HK1: variants seen among roughly 807,000 people sequenced by gnomAD.
HK1 encodes hexokinase 1, also known as hexokinase-1.
HK1 carries 28 observed loss-of-function variants against 91.6 expected under a neutral mutation model. That is an observed-to-expected ratio of 0.31 (90% CI 0.23 to 0.42). The LOEUF is 0.42. Among genes scored for constraint, HK1 ranks in the 10% least tolerant of loss-of-function variants. The pLI is 1.00. For synonymous variants in HK1, 430 were observed against 468.1 expected (o/e 0.92, Z 1.05); for missense variants, 770 against 1,219.8 (o/e 0.63, Z 5.49).
At position 69,280,951 on chromosome 10, in the gene HK1, T is replaced by C. The variant is rs535815819; in HGVS notation, c.-390-1578T>C. Among the ~76,000 whole-genome samples the C allele has an allele frequency of 3.3e-5, 5 of 152,330 alleles. No homozygotes were observed. In the South Asian group the frequency reaches 1.0e-3, roughly 32 times the overall value. On this transcript the variant is annotated intron_variant, in intron 1 of 21. Coordinates refer to the HK1 transcript ENST00000360289. ...TCTCTGAATTGCTAAAATCTTTGCA[T>C]TTTTGTCTCCTACTCTCCACTTTAT...
At chr10:69,349,380 G>A (rs1200579643) in intron 2 of HK1, among the ~76,000 whole-genome samples, 5 of 152,104 alleles carry the variant, frequency 3.3e-5, no homozygotes, top group Non-Finnish European at 4.4e-5. Context: ...GCAAACCACC[G>A]TGAGTTATGG....
At chr10:69,391,190 C>T (rs7904932) in intron 14 of HK1, among the ~76,000 whole-genome samples, 15,936 of 152,246 alleles carry the variant, frequency 0.1, 2,773 homozygotes, top group African/African-American at 0.36. Context: ...CTCTGATCTT[C>T]AAAGGTCTGA....
chr10:69,279,389 T>G (rs1844626771), intron 1 of HK1, among the ~76,000 whole-genome samples: 1 of 152,230 alleles, frequency 6.6e-6, no homozygotes, highest in Non-Finnish European at 1.5e-5. Context: ...TAGCACATTC[T>G]TTGAAGTAGA....
chr10:69,356,832 G>A (rs1430725118), intron 2 of HK1, among the ~76,000 whole-genome samples: 7 of 138,028 alleles, frequency 5.1e-5, no homozygotes, highest in African/African-American at 1.4e-4. Context: ...GCAGTGAGTC[G>A]AGATTGAGCC....
intron 2 of HK1, among the ~76,000 whole-genome samples, chr10:69,283,055 G>A (rs918639940): frequency 6.7e-6 from 1 of 149,848 alleles, no homozygotes; most frequent in Non-Finnish European, 1.5e-5. Flanking sequence ...GAACCCAGGA[G>A]GCAGTTTGTG....
Position 69,379,574 on chromosome 10 carries a change from C to T in HK1, c.1032-288C>T, listed in dbSNP as rs537215754. On this transcript the variant is annotated intron_variant, in intron 8 of 17. Coordinates refer to ENST00000359426, the MANE Select transcript of HK1 (RefSeq NM_000188.3). ...GAGCCCTGGGTGGTGGCAGCCATTTCGCCACCTGTTCAGAGGCCACATAGT... is the reference window on the plus strand; with the variant it reads ...GAGCCCTGGGTGGTGGCAGCCATTTTGCCACCTGTTCAGAGGCCACATAGT... Among the ~76,000 whole-genome samples, 77 of 152,324 alleles carry T rather than the reference C, an allele frequency of 5.1e-4. 1 individual carries two copies. Among genetic ancestry groups the T allele is most frequent in the South Asian group, 1.0e-3 (5 of 4,832 alleles).
At chr10:69,320,054 G>A (rs559642260) in intron 1 of HK1, among the ~76,000 whole-genome samples, 103 of 152,312 alleles carry the variant, frequency 6.8e-4, no homozygotes, top group Middle Eastern at 3.4e-3. Flanking sequence ...GACAGGCCTT[G>A]ATTTTCTGCC....
chr10:69,319,560 C>T (rs1369707729), intron 1 of HK1, among the ~76,000 whole-genome samples: 1 of 152,232 alleles, frequency 6.6e-6, no homozygotes, highest in Non-Finnish European at 1.5e-5. Flanking sequence ...CTTCCCGGAA[C>T]GGGGAGGGGC....
intron 3 of HK1, among the ~76,000 whole-genome samples, chr10:69,361,328 C>A (rs1036019428): frequency 3.9e-5 from 6 of 152,254 alleles, no homozygotes; most frequent in African/African-American, 1.4e-4. Flanking sequence ...ACTGGCCCAT[C>A]CATCTGGCGC....
intron 5 of HK1, among the ~76,000 whole-genome samples, chr10:69,302,853 A>G (rs1311637603): frequency 6.6e-6 from 1 of 151,970 alleles, no homozygotes; most frequent in Non-Finnish European, 1.5e-5. Flanking sequence ...GTTTGGTAAC[A>G]GGTTACATGT....
intron 2 of HK1, among the ~76,000 whole-genome samples, chr10:69,350,165 C>T (rs1193995609): frequency 6.6e-6 from 1 of 152,172 alleles, no homozygotes; most frequent in Non-Finnish European, 1.5e-5. Context: ...GGGTTATGTG[C>T]CCATCCTGAA....
chr10:69,393,474 T>C (rs1840002292), intron 15 of HK1, among the ~76,000 whole-genome samples: 1 of 152,082 alleles, frequency 6.6e-6, no homozygotes, highest in Non-Finnish European at 1.5e-5. Flanking sequence ...TTTTTGTATT[T>C]TTGGTAGAGA....
chr10:69,333,506 C>A (rs905339485), intron 1 of HK1, among the ~76,000 whole-genome samples: 9 of 152,088 alleles, frequency 5.9e-5, no homozygotes, highest in African/African-American at 2.2e-4. Context: ...AGTGTGACAG[C>A]CTTGTTCTCT....
chr10:69,290,845 C>T (rs1314172955), intron 3 of HK1, among the ~76,000 whole-genome samples: 1 of 152,164 alleles, frequency 6.6e-6, no homozygotes, highest in African/African-American at 2.4e-5. Flanking sequence ...GTTCCTAATG[C>T]CCAACTGGAA....
At chr10:69,302,890 A>C (rs1845950087) in intron 5 of HK1, among the ~76,000 whole-genome samples, 1 of 152,148 alleles carries the variant, frequency 6.6e-6, no homozygotes, top group South Asian at 2.1e-4. Context: ...GAAGGAGTTC[A>C]AGGATGATGG....
At chr10:69,331,042 G>A (rs941482192) in intron 1 of HK1, among the ~76,000 whole-genome samples, 1 of 151,938 alleles carries the variant, frequency 6.6e-6, no homozygotes, top group Non-Finnish European at 1.5e-5. Flanking sequence ...ACCATACCTG[G>A]CTAATTTTTG....
intron 5 of HK1, among the ~76,000 whole-genome samples, chr10:69,307,549 G>A (rs1000073547): frequency 6.6e-6 from 1 of 152,190 alleles, no homozygotes; most frequent in African/African-American, 2.4e-5. Flanking sequence ...AAGGTGGGCT[G>A]GAGACACACT....
chr10:69,344,650 G>A (rs1848454289), intron 2 of HK1, among the ~76,000 whole-genome samples: 1 of 152,260 alleles, frequency 6.6e-6, no homozygotes, highest in African/African-American at 2.4e-5. Context: ...AGGGCCCCCT[G>A]AGGATTGTCT....
chr10:69,344,630 G>A (rs1487052286), intron 2 of HK1, among the ~76,000 whole-genome samples: 2 of 152,248 alleles, frequency 1.3e-5, no homozygotes, highest in Non-Finnish European at 2.9e-5. Context: ...CTGCAGTGGG[G>A]CGTTGGGGGA....
Sources: allele counts gnomAD v4.1 joint callset (sites outside exome capture counted in the v4.1 genomes callset), GRCh38; gene constraint gnomAD v4.1.1; transcripts MANE v1.5; gene names NCBI Gene and HGNC (gene_info 2026-07-23, HGNC 2026-07-21).